AGBL4: variants seen among roughly 807,000 people sequenced by gnomAD.
AGBL4 encodes the protein cytosolic carboxypeptidase 6.
In AGBL4, 58 loss-of-function variants were observed where a neutral mutation model predicts 66.4. The ratio of observed to expected loss-of-function variants is 0.87; its 90% CI spans 0.71 to 1.09. The LOEUF is 1.09. AGBL4 is among the 50% of genes least tolerant of loss of function. The probability of loss-of-function intolerance (pLI) is 0.00; values close to 1 mark genes in which losing one functional copy is unlikely to be tolerated. For missense variants in AGBL4, 579 were observed against 631.0 expected (o/e 0.92, Z 0.88); for synonymous variants, 234 against 222.9 (o/e 1.05, Z -0.44).
rs1172711030 is a variant in AGBL4, at chr1:50,009,807, G to T, written c.34+13956C>A. ...TTAGAACTGATAAACAAAGTTGCAG[G>T]GTACAAAATCCACATACAAATATCA... is the stretch of plus-strand genomic sequence containing the variant. On this transcript the variant is annotated intron_variant, in intron 1 of 13. Transcript: ENST00000371839. Among the ~76,000 whole-genome samples the T allele has an allele frequency of 2.6e-5, 4 of 151,642 alleles. No individual in the cohort carries two copies. The East Asian group carries it at 5.8e-4, about 22-fold the overall frequency.
At chr1:49,337,645 G>A (rs964513447) in intron 3 of AGBL4, among the ~76,000 whole-genome samples, 1 of 152,126 alleles carries the variant, frequency 6.6e-6, no homozygotes, top group African/African-American at 2.4e-5. Flanking sequence ...TCAAACAGGA[G>A]GAAAAGTGAA....
intron 3 of AGBL4, among the ~76,000 whole-genome samples, chr1:49,516,871 G>A (rs1000758456): frequency 6.6e-6 from 1 of 152,066 alleles, no homozygotes; most frequent in African/African-American, 2.4e-5. Context: ...CAAGTAGACA[G>A]ACATTCCTAT....
At chr1:49,713,814 G>GAGAT (rs1393865616) in intron 2 of AGBL4, among the ~76,000 whole-genome samples, 2 of 151,722 alleles carry the variant, frequency 1.3e-5, no homozygotes, top group African/African-American at 4.8e-5. Flanking sequence ...TTTTTTTTAA[G>GAGAT]AGATAGGGTA....
intron 3 of AGBL4, among the ~76,000 whole-genome samples, chr1:49,590,953 T>A (rs2124077969): frequency 6.6e-6 from 1 of 152,164 alleles, no homozygotes; most frequent in African/African-American, 2.4e-5. Context: ...AGAAAATATG[T>A]TAGCAGAATA....
chr1:48,902,502 A>G (rs1652183013), intron 5 of AGBL4, among the ~76,000 whole-genome samples: 1 of 152,092 alleles, frequency 6.6e-6, no homozygotes, highest in Non-Finnish European at 1.5e-5. Context: ...GAAGGAAAGA[A>G]CTGGTGGTGG....
chr1:49,631,996 T>C (rs1488690799), intron 3 of AGBL4, among the ~76,000 whole-genome samples: 2 of 152,202 alleles, frequency 1.3e-5, no homozygotes, highest in African/African-American at 2.4e-5. Context: ...TAGTCAACTA[T>C]GCTCCCCACA....
chr1:49,487,280 T>C (rs1253860871), intron 3 of AGBL4, among the ~76,000 whole-genome samples: 1 of 152,002 alleles, frequency 6.6e-6, no homozygotes, highest in Non-Finnish European at 1.5e-5. Flanking sequence ...CCTGATATTG[T>C]GCTAAATGTT....
intron 3 of AGBL4, among the ~76,000 whole-genome samples, chr1:49,649,838 G>A (rs1645966158): frequency 6.6e-6 from 1 of 151,866 alleles, no homozygotes; most frequent in Admixed American, 6.6e-5. Flanking sequence ...GTAACAAAAA[G>A]TTACCCAGAA....
At chr1:48,983,402 C>T (rs1659930648) in intron 5 of AGBL4, among the ~76,000 whole-genome samples, 6 of 152,178 alleles carry the variant, frequency 3.9e-5, no homozygotes, top group African/African-American at 9.6e-5. Context: ...GAGTTTCTGG[C>T]GGAGACACTC....
chr1:49,706,896 G>A, intron 2 of AGBL4, among the ~76,000 whole-genome samples: 1 of 152,182 alleles, frequency 6.6e-6, no homozygotes, highest in East Asian at 1.9e-4. Flanking sequence ...TGATTGCACT[G>A]TGGTCTGAAA....
intron 6 of AGBL4, among the ~76,000 whole-genome samples, chr1:48,862,168 C>T (rs1407645437): frequency 6.6e-6 from 1 of 152,102 alleles, no homozygotes; most frequent in Non-Finnish European, 1.5e-5. Context: ...CCTACTGCTG[C>T]CCATGAAGGC....
At chr1:49,526,580 A>G (rs1650677929) in intron 3 of AGBL4, among the ~76,000 whole-genome samples, 1 of 152,118 alleles carries the variant, frequency 6.6e-6, no homozygotes, top group African/African-American at 2.4e-5. Context: ...GATACCAAAA[A>G]AAGCCAGTCT....
chr1:49,179,281 G>A (rs1047493236), intron 4 of AGBL4, among the ~76,000 whole-genome samples: 2 of 152,196 alleles, frequency 1.3e-5, no homozygotes, highest in East Asian at 3.9e-4. Context: ...TGGAGATAGT[G>A]AGAAATGTAC....
intron 6 of AGBL4, among the ~76,000 whole-genome samples, chr1:48,789,312 G>A (rs10888623): frequency 0.85 from 127,550 of 150,460 alleles, 55,367 homozygotes; most frequent in Non-Finnish European, 0.95. Flanking sequence ...TTTTTGAGAC[G>A]GCATCTCGCT....
chr1:49,410,879 G>T (rs1645301349), intron 3 of AGBL4, among the ~76,000 whole-genome samples: 1 of 152,144 alleles, frequency 6.6e-6, no homozygotes, highest in Non-Finnish European at 1.5e-5. Context: ...CTTATCAAAT[G>T]CTTACTATAT....
chr1:49,124,371 A>C (rs777271116), intron 4 of AGBL4, among the ~76,000 whole-genome samples: 1 of 152,204 alleles, frequency 6.6e-6, no homozygotes, highest in Non-Finnish European at 1.5e-5. Flanking sequence ...TGGCATAAAC[A>C]CATTTTGGAA....
In AGBL4 at chr1:49,832,479, C is replaced by A. The variant is rs1175069035; in HGVS notation, c.157+18917G>T. 2.6e-5 allele frequency among the ~76,000 whole-genome samples: 4 copies of A among 150,946 alleles called. No homozygotes were observed. In the East Asian group the frequency reaches 7.7e-4, roughly 29 times the overall value. On this transcript the variant is annotated intron_variant, in intron 2 of 13. Coordinates refer to ENST00000371839, the MANE Select transcript of AGBL4 (RefSeq NM_032785.4). The stretch of plus-strand genomic sequence containing the variant: ...CATACGTGTGCATGTGTCTTTATAG[C>A]AGCATGATTTATAGTCATTTGGGTA...
At chr1:49,793,131 T>A (rs1644643510) in intron 2 of AGBL4, among the ~76,000 whole-genome samples, 2 of 152,050 alleles carry the variant, frequency 1.3e-5, no homozygotes, top group Admixed American at 1.3e-4. Context: ...TAAATATTTT[T>A]ATGGACTATC....
At chr1:48,819,146 G>A (rs1646255698) in intron 6 of AGBL4, among the ~76,000 whole-genome samples, 1 of 152,154 alleles carries the variant, frequency 6.6e-6, no homozygotes, top group Non-Finnish European at 1.5e-5. Context: ...AGGCTTCCTA[G>A]AGATGACGAT....
Sources: allele counts gnomAD v4.1 joint callset (sites outside exome capture counted in the v4.1 genomes callset), GRCh38; gene constraint gnomAD v4.1.1; transcripts MANE v1.5; gene names NCBI Gene and HGNC (gene_info 2026-07-23, HGNC 2026-07-21).